The following MADD variants were observed in gnomAD, a reference collection of about 807,000 sequenced individuals.
MADD encodes the protein MAP kinase-activating death domain protein.
MADD carries 109 observed loss-of-function variants against 176.7 expected under a neutral mutation model. That is an observed-to-expected ratio of 0.62 (90% CI 0.53 to 0.72). The LOEUF (loss-of-function observed/expected upper bound fraction) is 0.72, where lower values mean the gene tolerates loss of function less well. MADD is among the 30% of genes least tolerant of loss of function. MADD has a pLI of 0.00. For missense variants in MADD, 1,914 were observed against 2,045.5 expected, an observed-to-expected ratio of 0.94 and a Z score of 1.24; for synonymous variants, 771 against 771.3, an observed-to-expected ratio of 1.00 and a Z score of 0.01.
exon 23 of MADD, chr11:47,308,666 A>G: frequency 1.2e-6 from 2 of 1,614,092 alleles, no homozygotes; most frequent in South Asian, 2.2e-5. Context: ...TGAAGATGTG[A>G]GCCAGCGAGT....
chr11:47,321,098 G>C (rs1217881345), intron 27 of MADD, among the ~76,000 whole-genome samples: 1 of 152,134 alleles, frequency 6.6e-6, no homozygotes, highest in Non-Finnish European at 1.5e-5. Flanking sequence ...AACTATACCA[G>C]TTTACACCTC....
At position 47,311,856 on chromosome 11, in the gene MADD, G is replaced by T; in HGVS notation, c.4089+14G>T. ...CTGGCGAACCTGGTAAGCACGTCTG[G>T]CCACCCCTTAGGCTTCCCCATGGGT... On this transcript the variant is annotated intron_variant, in intron 26 of 32. Transcript: ENST00000402192. 6.4e-7 allele frequency: 1 copy of T among 1,567,494 alleles called. No homozygotes were observed. Among genetic ancestry groups the T allele is most frequent in the Non-Finnish European group, 8.8e-7 (1 of 1,138,730 alleles).
At chr11:47,289,826 A>G (rs2063721692) in intron 16 of MADD, 41 bp from the exon 18 acceptor site, 1 of 1,606,634 alleles carries the variant, frequency 6.2e-7, no homozygotes, top group African/African-American at 1.3e-5. Flanking sequence ...GTGCTCTGCA[A>G]AGGAGCTGAT....
At chr11:47,286,452 C>T in exon 15 of MADD, 2 of 1,614,092 alleles carry the variant, frequency 1.2e-6, no homozygotes. Context: ...ATCGGAACCA[C>T]AGTACCAGCT....
chr11:47,291,605 G>A (rs2065355931), intron 19 of MADD, among the ~76,000 whole-genome samples: 1 of 152,156 alleles, frequency 6.6e-6, no homozygotes, highest in Non-Finnish European at 1.5e-5. Flanking sequence ...TTTTAGGGGA[G>A]CTACACTTCC....
At chr11:47,284,302 T>G in intron 11 of MADD, 21 bp downstream of exon 11, 2 of 1,613,412 alleles carry the variant, frequency 1.2e-6, no homozygotes, top group Non-Finnish European at 1.7e-6. Context: ...TTGGGGAGAT[T>G]GGCCAGCCCT....
intron 31 of MADD, chr11:47,327,618 C>G (rs1431979535): frequency 6.1e-6 from 6 of 985,284 alleles, no homozygotes; most frequent in South Asian, 4.7e-5. Flanking sequence ...ACTGGACTTT[C>G]CTCCCCGTGT....
chr11:47,313,069 G>T (rs1404678510), intron 26 of MADD, among the ~76,000 whole-genome samples: 1 of 152,194 alleles, frequency 6.6e-6, no homozygotes, highest in African/African-American at 2.4e-5. Context: ...TTAATCAAGT[G>T]AGCCTGTTGT....
intron 31 of MADD, chr11:47,328,401 C>CA (rs1401639151): frequency 7.1e-7 from 1 of 1,404,548 alleles, no homozygotes; most frequent in Non-Finnish European, 9.2e-7. Flanking sequence ...TGGGTAGAAT[C>CA]ACGGCCATCA....
At chr11:47,292,979 T>C (rs989777336) in intron 19 of MADD, among the ~76,000 whole-genome samples, 25 of 152,234 alleles carry the variant, frequency 1.6e-4, no homozygotes, top group African/African-American at 6.0e-4. Context: ...AGTCTGTAGC[T>C]GCCCCACTCT....
At chr11:47,279,518 A>G (rs2054242046) in intron 7 of MADD, among the ~76,000 whole-genome samples, 1 of 150,784 alleles carries the variant, frequency 6.6e-6, no homozygotes, top group Admixed American at 6.6e-5. Context: ...AGCTGGGACT[A>G]TAGGCGCACG....
chr11:47,278,192 A>G, exon 6 of MADD: 1 of 1,613,920 alleles, frequency 6.2e-7, no homozygotes, highest in Non-Finnish European at 8.5e-7. Context: ...CCCGTACATC[A>G]TTGGGGTTCC....
chr11:47,319,939 C>T (rs528697532), intron 27 of MADD, among the ~76,000 whole-genome samples: 247 of 144,626 alleles, frequency 1.7e-3, no homozygotes, highest in Non-Finnish European at 3.0e-3. Context: ...TGCAGTGAGC[C>T]GAGATCATGC....
At chr11:47,274,875 C>G (rs1269904450) in exon 3 of MADD, 1 of 1,614,110 alleles carries the variant, frequency 6.2e-7, no homozygotes, top group Non-Finnish European at 8.5e-7. Context: ...CCCATGCCAC[C>G]TGTGCCTCAG....
At chr11:47,284,829 A>G in intron 12 of MADD, 112 bp from the exon 13 acceptor site, 11 of 1,455,732 alleles carry the variant, frequency 7.6e-6, no homozygotes, top group Non-Finnish European at 9.3e-6. Context: ...CATTTCCCAC[A>G]CATTCCTTAG....
intron 22 of MADD, among the ~76,000 whole-genome samples, chr11:47,297,090 T>C (rs528755687): frequency 6.6e-6 from 1 of 152,340 alleles, no homozygotes; most frequent in Non-Finnish European, 1.5e-5. Context: ...TGTGCCTCTA[T>C]AGGCTGTGTT....
chr11:47,289,439 G>C (rs1364052126), exon 16 of MADD: 1 of 1,614,034 alleles, frequency 6.2e-7, no homozygotes. Flanking sequence ...ATTAAACACA[G>C]CCCAACAGTG....
At chr11:47,296,692 A>G (rs1007911506) in intron 22 of MADD, among the ~76,000 whole-genome samples, 2 of 152,058 alleles carry the variant, frequency 1.3e-5, no homozygotes, top group South Asian at 4.1e-4. Flanking sequence ...CCTAGATCAC[A>G]CAGTAAGCCC....
At chr11:47,309,584 A>G (rs1472395034) in exon 25 of MADD, 2 of 1,613,910 alleles carry the variant, frequency 1.2e-6, no homozygotes, top group Non-Finnish European at 8.5e-7. Flanking sequence ...CTTCTGCACA[A>G]CCTCATCTCC....
Sources: allele counts gnomAD v4.1 joint callset (sites outside exome capture counted in the v4.1 genomes callset), GRCh38; gene constraint gnomAD v4.1.1; transcripts MANE v1.5; gene names NCBI Gene and HGNC (gene_info 2026-07-23, HGNC 2026-07-21).